Variants in PATJ observed in about 807,000 individuals in gnomAD.
PATJ encodes the protein PATJ crumbs cell polarity complex component.
A neutral mutation model predicts 224.9 loss-of-function variants in PATJ; 190 were observed. The observed-to-expected ratio is 0.84, with a 90% CI of 0.75 to 0.95. PATJ has a LOEUF of 0.95. PATJ is among the 40% of genes least tolerant of loss of function. PATJ has a pLI of 0.00. For synonymous variants in PATJ, 769 were observed against 820.3 expected (o/e 0.94, Z 1.07); for missense variants, 2,121 against 2,270.3 (o/e 0.93, Z 1.34).
chr1:61,864,715 G>GT, intron 20 of PATJ, 82 bp downstream of exon 20: 1 of 1,310,844 alleles, frequency 7.6e-7, no homozygotes, highest in Non-Finnish European at 1.0e-6. Context: ...TCACTTCAAT[G>GT]TTGTTTGTTT....
chr1:62,106,331 C>T (rs1350897418), intron 33 of PATJ, among the ~76,000 whole-genome samples: 1 of 148,904 alleles, frequency 6.7e-6, no homozygotes, highest in African/African-American at 2.5e-5. Flanking sequence ...ATTGTCCAGC[C>T]ATGGTTGTGC....
intron 33 of PATJ, among the ~76,000 whole-genome samples, chr1:62,101,796 G>A (rs753757319): frequency 5.3e-5 from 8 of 152,132 alleles, no homozygotes; most frequent in Admixed American, 2.0e-4. Flanking sequence ...GACCCTTCTG[G>A]CTATGAGAAA....
chr1:61,952,362 A>C, intron 27 of PATJ: 1 of 715,198 alleles, frequency 1.4e-6, no homozygotes, highest in South Asian at 1.5e-5. Flanking sequence ...TTTGTCAGGA[A>C]TGCAGATACC....
chr1:61,851,826 A>G (rs1290128844), intron 17 of PATJ, among the ~76,000 whole-genome samples: 1 of 152,068 alleles, frequency 6.6e-6, no homozygotes, highest in African/African-American at 2.4e-5. Flanking sequence ...GAAGAGATAA[A>G]AGGCTGAGAT....
intron 4 of PATJ, among the ~76,000 whole-genome samples, chr1:61,767,428 A>G (rs1168339771): frequency 6.6e-6 from 1 of 152,050 alleles, no homozygotes; most frequent in Admixed American, 6.6e-5. Context: ...AGCTCCAGGT[A>G]CCTAGGAGGC....
intron 33 of PATJ, among the ~76,000 whole-genome samples, chr1:62,092,768 G>A (rs1363355869): frequency 1.4e-5 from 2 of 140,790 alleles, no homozygotes; most frequent in Non-Finnish European, 3.0e-5. Flanking sequence ...TTTGAGCCAA[G>A]TCTCGCTCTG....
chr1:61,758,473 C>T (rs867184691), intron 1 of PATJ, among the ~76,000 whole-genome samples: 2 of 151,816 alleles, frequency 1.3e-5, no homozygotes, highest in Non-Finnish European at 2.9e-5. Flanking sequence ...CTCAGCCTCC[C>T]GAATAGCTGG....
chr1:61,983,003 C>T (rs1644533955), intron 27 of PATJ, among the ~76,000 whole-genome samples: 1 of 140,796 alleles, frequency 7.1e-6, no homozygotes, highest in South Asian at 2.4e-4. Flanking sequence ...AGCTTCATAA[C>T]CTTATATGAG....
intron 17 of PATJ, among the ~76,000 whole-genome samples, chr1:61,839,059 C>T (rs1425473604): frequency 5.9e-5 from 9 of 152,094 alleles, no homozygotes; most frequent in African/African-American, 2.2e-4. Flanking sequence ...CCAATTCATA[C>T]AGGTAGTATA....
At chr1:62,069,958 A>T (rs1336164577) in intron 31 of PATJ, among the ~76,000 whole-genome samples, 3 of 152,232 alleles carry the variant, frequency 2.0e-5, no homozygotes, top group African/African-American at 4.8e-5. Flanking sequence ...AACCCAGATT[A>T]TCTGGCTGTT....
At chr1:62,050,889 C>A in intron 30 of PATJ, 77 bp from the exon 31 acceptor site, 1 of 1,042,880 alleles carries the variant, frequency 9.6e-7, no homozygotes, top group Admixed American at 1.9e-5. Context: ...GAGCAAATGA[C>A]ATTGAGTATC....
intron 41 of PATJ, among the ~76,000 whole-genome samples, chr1:62,142,136 C>CT (rs1667566376): frequency 6.6e-6 from 1 of 152,058 alleles, no homozygotes; most frequent in African/African-American, 2.4e-5. Context: ...AAAAAAAACA[C>CT]TATTTTAGTG....
At chr1:61,981,597 A>G (rs1012341004) in intron 27 of PATJ, among the ~76,000 whole-genome samples, 2 of 151,848 alleles carry the variant, frequency 1.3e-5, no homozygotes, top group Non-Finnish European at 2.9e-5. Flanking sequence ...CTGCAGAAGT[A>G]TGACTGGAGG....
intron 29 of PATJ, among the ~76,000 whole-genome samples, chr1:62,032,017 G>T (rs1649409164): frequency 6.6e-6 from 1 of 152,032 alleles, no homozygotes; most frequent in Admixed American, 6.6e-5. Context: ...TACCAAAATT[G>T]AACGGCAGAA....
chr1:61,777,030 T>A (rs987295331), intron 7 of PATJ, among the ~76,000 whole-genome samples: 1 of 151,872 alleles, frequency 6.6e-6, no homozygotes, highest in Non-Finnish European at 1.5e-5. Flanking sequence ...CAGCCAAATC[T>A]GCTACTTTTT....
chr1:61,777,699 C>CT (rs1557626569), intron 7 of PATJ, among the ~76,000 whole-genome samples: 296 of 80,006 alleles, frequency 3.7e-3, no homozygotes, highest in East Asian at 0.01. Flanking sequence ...TTCTTTCTTT[C>CT]TTTCTTTTTT....
At chr1:61,750,987 T>G (rs938419979) in intron 1 of PATJ, among the ~76,000 whole-genome samples, 76 of 151,892 alleles carry the variant, frequency 5.0e-4, no homozygotes, top group Non-Finnish European at 5.3e-4. Context: ...CTTTCCCTTT[T>G]CTATTTTATT....
At chr1:62,001,460 T>G (rs911587753) in intron 28 of PATJ, among the ~76,000 whole-genome samples, 21 of 150,070 alleles carry the variant, frequency 1.4e-4, no homozygotes, top group Admixed American at 4.0e-4. Flanking sequence ...CTTTCCCCAT[T>G]GCTTATTTTT....
At chr1:61,751,750 C>G (rs1016355916) in intron 1 of PATJ, among the ~76,000 whole-genome samples, 1 of 152,012 alleles carries the variant, frequency 6.6e-6, no homozygotes, top group Non-Finnish European at 1.5e-5. Flanking sequence ...TGCTTGAACC[C>G]TGGAGGTGGA....
Sources: allele counts gnomAD v4.1 joint callset (sites outside exome capture counted in the v4.1 genomes callset), GRCh38; gene constraint gnomAD v4.1.1; transcripts MANE v1.5; gene names NCBI Gene and HGNC (gene_info 2026-07-23, HGNC 2026-07-21).